PLEKHA6: variants seen among roughly 807,000 people sequenced by gnomAD.
PLEKHA6 encodes pleckstrin homology domain-containing family A member 6.
Under a neutral mutation model 116.7 loss-of-function variants are expected in PLEKHA6, and 60 were observed. That is an observed-to-expected ratio of 0.51 (90% CI 0.42 to 0.64). The LOEUF (loss-of-function observed/expected upper bound fraction) is 0.64. PLEKHA6 is among the 30% of genes least tolerant of loss of function. PLEKHA6 has a pLI of 0.00. For synonymous variants in PLEKHA6, 489 were observed against 556.1 expected, an observed-to-expected ratio of 0.88 and a Z score of 1.70; for missense variants, 1,338 against 1,422.7, an observed-to-expected ratio of 0.94 and a Z score of 0.96.
At chr1:204,263,408 G>A (rs1029199970) in intron 6 of PLEKHA6, among the ~76,000 whole-genome samples, 1 of 152,098 alleles carries the variant, frequency 6.6e-6, no homozygotes, top group African/African-American at 2.4e-5. Context: ...CAAGAGTTTC[G>A]CTCGGTGGCC....
chr1:204,280,188 C>T (rs541140168), intron 1 of PLEKHA6: 24 of 467,810 alleles, frequency 5.1e-5, no homozygotes, highest in Non-Finnish European at 6.4e-5. Flanking sequence ...CAAGAGACAT[C>T]CTCAACCCCT....
rs898351546 is a variant in PLEKHA6 at position 204,297,142 on chromosome 1, T to A, written c.-94-22333A>T. 7 of 981,744 alleles carry A rather than the reference T, an allele frequency of 7.1e-6. No individual in the cohort carries two copies. The African/African-American group carries it at 8.8e-5, about 12-fold the overall frequency. The allele number at this position is 981,744 out of a possible 1,614,324, so 60.8% of individuals were successfully genotyped here. On this transcript the variant is annotated intron_variant, in intron 1 of 22. Transcript: ENST00000272203. Reference sequence around the variant, plus strand: ...TAAAATCCGAATCAGATGGAGAAAGTCACTAACTAACATATCCTTCTTCCT... The same window carrying A: ...TAAAATCCGAATCAGATGGAGAAAGACACTAACTAACATATCCTTCTTCCT...
intron 15 of PLEKHA6, among the ~76,000 whole-genome samples, chr1:204,243,423 G>A (rs942779390): frequency 6.6e-6 from 1 of 152,162 alleles, no homozygotes; most frequent in African/African-American, 2.4e-5. Flanking sequence ...GAGAGTGCCA[G>A]CTCTGAAGCC....
intron 1 of PLEKHA6, among the ~76,000 whole-genome samples, chr1:204,355,149 A>G (rs970277302): frequency 1.3e-5 from 2 of 152,378 alleles, no homozygotes; most frequent in African/African-American, 2.4e-5. Flanking sequence ...GAGGGCTTGG[A>G]GGGAGAGAGA....
chr1:204,268,389 C>CAGA, intron 3 of PLEKHA6, 77 bp from the exon 4 acceptor site: 1 of 975,426 alleles, frequency 1.0e-6, no homozygotes, highest in Non-Finnish European at 1.5e-6. Context: ...GCCACCCCTG[C>CAGA]TAGAGCTGCT....
intron 1 of PLEKHA6, among the ~76,000 whole-genome samples, chr1:204,335,180 C>T (rs11587803): frequency 0.012 from 1,845 of 152,178 alleles, 15 homozygotes; most frequent in Middle Eastern, 0.031. Context: ...CCCTTGGCCT[C>T]CCAAGGGTTA....
At chr1:204,341,636 A>G (rs1672850251) in intron 1 of PLEKHA6, among the ~76,000 whole-genome samples, 1 of 152,194 alleles carries the variant, frequency 6.6e-6, no homozygotes, top group Non-Finnish European at 1.5e-5. Flanking sequence ...GATTTGCATA[A>G]AGACTTAGAA....
Position 204,241,719 on chromosome 1 carries a change from CTCT to C in PLEKHA6, c.2265_2267del (p.Glu756del). On this transcript the variant is annotated inframe_deletion, in exon 16 of 23. Transcript: ENST00000272203. ...GAGCTGCCTGCTTCTCTGCCTCTAC[CTCT>C]TGCCTGGTGGGCACAAGGCTGATGT... The C allele has an allele frequency of 1.9e-6, 3 of 1,610,354 alleles. No individual in the cohort carries two copies. Among genetic ancestry groups the C allele is most frequent in the Non-Finnish European group, 2.5e-6 (3 of 1,178,828 alleles).
chr1:204,370,448 C>A (rs897423107), intron 2 of PLEKHA6, among the ~76,000 whole-genome samples: 4 of 152,196 alleles, frequency 2.6e-5, no homozygotes, highest in African/African-American at 9.7e-5. Context: ...CGCACTGTGA[C>A]CCACACCCCC....
chr1:204,359,552 C>T, intron 1 of PLEKHA6, 142 bp downstream of exon 1: 2 of 954,900 alleles, frequency 2.1e-6, no homozygotes, highest in Non-Finnish European at 2.5e-6. Context: ...AGTAAGGCTG[C>T]CAAGGATGAG....
At position 204,230,442 on chromosome 1, in the gene PLEKHA6, C is replaced by A; in HGVS notation, c.2554G>T (p.Asp852Tyr). Residue 852 changes from aspartate (D) to tyrosine (Y), a missense_variant, in exon 18 of 23, where the codon GAC becomes TAC. This residue lies in a region of PLEKHA6 where 1,136 missense variants were observed against 1,163.6 expected (regional missense o/e 0.98). Coordinates refer to ENST00000272203, the MANE Select transcript of PLEKHA6 (RefSeq NM_014935.5). ...SLQLPASPAP[D>Y]PSPRPAYKVV... ...TTGTAGGCTGGCCGGGGACTGGGGTCGGGGGCCGGGCTGGCCGGGAGCTGC... is the reference window on the plus strand; with the variant it reads ...TTGTAGGCTGGCCGGGGACTGGGGTAGGGGGCCGGGCTGGCCGGGAGCTGC... 6.3e-7 allele frequency: 1 copy of A among 1,584,938 alleles called. No homozygotes were observed. Among genetic ancestry groups the A allele is most frequent in the Admixed American group, 1.8e-5 (1 of 55,178 alleles).
chr1:204,361,700 G>A (rs78603574), upstream of PLEKHA6, among the ~76,000 whole-genome samples: 285 of 152,370 alleles, frequency 1.9e-3, 1 homozygote, highest in African/African-American at 6.7e-3. Context: ...AGGCAGGACC[G>A]ATCAAGCCCA....
At chr1:204,333,045 G>A (rs890456171) in intron 1 of PLEKHA6, among the ~76,000 whole-genome samples, 4 of 152,332 alleles carry the variant, frequency 2.6e-5, no homozygotes, top group Admixed American at 6.5e-5. Flanking sequence ...CAATGCCTCC[G>A]CCAAATGAGG....
chr1:204,354,020 C>T (rs1673352324), intron 1 of PLEKHA6, among the ~76,000 whole-genome samples: 1 of 152,204 alleles, frequency 6.6e-6, no homozygotes, highest in Admixed American at 6.5e-5. Context: ...AATGACCGCA[C>T]CACCTGAGGC....
chr1:204,360,106 G>A (rs1374633323), upstream of PLEKHA6, among the ~76,000 whole-genome samples: 1 of 152,248 alleles, frequency 6.6e-6, no homozygotes, highest in Non-Finnish European at 1.5e-5. Context: ...GGAGAGGATG[G>A]GGTGGCTCAG....
chr1:204,324,203 CTT>C (rs1313330326), intron 1 of PLEKHA6, among the ~76,000 whole-genome samples: 6 of 152,074 alleles, frequency 3.9e-5, no homozygotes, highest in Non-Finnish European at 7.4e-5. Context: ...CAGAATCTGA[CTT>C]TGATTGCTCT....
chr1:204,321,442 G>T (rs1389930394), intron 1 of PLEKHA6, among the ~76,000 whole-genome samples: 2 of 151,398 alleles, frequency 1.3e-5, no homozygotes, highest in Non-Finnish European at 2.9e-5. Flanking sequence ...CTCCCCTACT[G>T]CCCCCCTGCA....
intron 1 of PLEKHA6, chr1:204,309,062 T>C: frequency 1.0e-6 from 1 of 976,426 alleles, no homozygotes; most frequent in African/African-American, 1.7e-5. Flanking sequence ...TCTCATTCAT[T>C]GTCTTTCTGT....
intron 13 of PLEKHA6, among the ~76,000 whole-genome samples, chr1:204,246,279 C>T (rs1267209284): frequency 2.0e-5 from 3 of 152,162 alleles, no homozygotes; most frequent in Admixed American, 1.3e-4. Context: ...GGCTGCATGA[C>T]TCTAGGAGAT....
Sources: gnomAD v4.1 joint callset for allele counts (sites outside exome capture counted in the v4.1 genomes callset) on GRCh38, gnomAD v4.1.1 for gene constraint, gnomAD v4.1.1 regional missense constraint, MANE v1.5 for transcripts, NCBI Gene and HGNC (gene_info 2026-07-23, HGNC 2026-07-21) for gene names.